The following RARB variants were observed in gnomAD, a reference collection of about 807,000 sequenced individuals.
RARB encodes the protein retinoic acid receptor beta.
In RARB, 17 loss-of-function variants were observed where a neutral mutation model predicts 51.9. The observed-to-expected ratio is 0.33, with a 90% CI of 0.22 to 0.49. RARB has a LOEUF of 0.49. Ranked by LOEUF, RARB falls within the 20% of genes least tolerant of loss-of-function variation. The probability of loss-of-function intolerance (pLI) is 0.99; values close to 1 mark genes in which losing one functional copy is unlikely to be tolerated. For synonymous variants in RARB, 215 were observed against 195.4 expected, an observed-to-expected ratio of 1.10 and a Z score of -0.84; for missense variants, 369 against 550.8, an observed-to-expected ratio of 0.67 and a Z score of 3.30.
intron 2 of RARB, among the ~76,000 whole-genome samples, chr3:25,056,101 T>G (rs1263283037): frequency 6.6e-6 from 1 of 152,148 alleles, no homozygotes. Context: ...AAGCCCAATG[T>G]GCAGGGAGAG....
chr3:25,073,942 T>A (rs1393171807), intron 3 of RARB, among the ~76,000 whole-genome samples: 1 of 152,186 alleles, frequency 6.6e-6, no homozygotes, highest in Admixed American at 6.5e-5. Flanking sequence ...AGTTGGTAAA[T>A]CACGCTTTTA....
intron 2 of RARB, among the ~76,000 whole-genome samples, chr3:24,929,761 C>G (rs1251260115): frequency 6.6e-6 from 1 of 152,104 alleles, no homozygotes; most frequent in Non-Finnish European, 1.5e-5. Flanking sequence ...AGATTCCCAG[C>G]TGTTGTCAAT....
chr3:25,059,972 T>A (rs1698516174), intron 2 of RARB, among the ~76,000 whole-genome samples: 1 of 151,750 alleles, frequency 6.6e-6, no homozygotes, highest in Admixed American at 6.6e-5. Context: ...ATAGAAAATC[T>A]TAAGTTGTGG....
intron 1 of RARB, among the ~76,000 whole-genome samples, chr3:24,831,362 T>C (rs1490931704): frequency 6.6e-6 from 1 of 152,202 alleles, no homozygotes; most frequent in Non-Finnish European, 1.5e-5. Flanking sequence ...ACGATTGTAA[T>C]TTAACGTTAA....
chr3:25,578,840 G>C (rs1175246592), intron 4 of RARB, among the ~76,000 whole-genome samples: 1 of 152,212 alleles, frequency 6.6e-6, no homozygotes, highest in African/African-American at 2.4e-5. Context: ...ACTTCCTGTA[G>C]ACTGATTTTA....
chr3:25,578,349 A>G (rs1410776658), intron 4 of RARB, among the ~76,000 whole-genome samples: 3 of 152,246 alleles, frequency 2.0e-5, no homozygotes, highest in Admixed American at 6.5e-5. Flanking sequence ...CATGCCGTTA[A>G]GACGGCTGTG....
chr3:25,414,121 A>C (rs1040560890), intron 5 of RARB, among the ~76,000 whole-genome samples: 4 of 152,190 alleles, frequency 2.6e-5, no homozygotes, highest in Middle Eastern at 3.4e-3. Flanking sequence ...TTGCTGCCAC[A>C]TATATTAGAT....
chr3:25,257,703 A>G (rs1029448921), intron 5 of RARB, among the ~76,000 whole-genome samples: 1 of 151,930 alleles, frequency 6.6e-6, no homozygotes, highest in African/African-American at 2.4e-5. Flanking sequence ...TCTGCTCTCT[A>G]TTTACAGAGT....
At chr3:25,165,159 G>C (rs939198048) in intron 4 of RARB, among the ~76,000 whole-genome samples, 4 of 152,152 alleles carry the variant, frequency 2.6e-5, no homozygotes, top group Non-Finnish European at 2.9e-5. Flanking sequence ...GCCTCACAAT[G>C]TCTAGAATGC....
intron 2 of RARB, among the ~76,000 whole-genome samples, chr3:24,952,325 T>C (rs763786168): frequency 2.0e-5 from 3 of 152,180 alleles, no homozygotes; most frequent in East Asian, 1.9e-4. Flanking sequence ...TTTATATTAA[T>C]TGAAGGAATT....
chr3:24,848,890 A>G (rs1393294754), intron 1 of RARB, among the ~76,000 whole-genome samples: 1 of 152,200 alleles, frequency 6.6e-6, no homozygotes, highest in Non-Finnish European at 1.5e-5. Context: ...CACCCAAAGA[A>G]GAAATAATTT....
intron 5 of RARB, among the ~76,000 whole-genome samples, chr3:25,210,529 C>CTGTTTGTTTTTTTTTTTTTTTTTTT (rs1701666722): frequency 3.6e-5 from 1 of 27,618 alleles, no homozygotes; most frequent in Non-Finnish European, 8.7e-5. Flanking sequence ...TTATCTGATT[C>CTGTTTGTTTTTTTTTTTTTTTTTTT]TTTTTTTTTT....
intron 5 of RARB, among the ~76,000 whole-genome samples, chr3:25,321,798 A>G (rs1009534558): frequency 2.6e-5 from 4 of 152,020 alleles, no homozygotes; most frequent in African/African-American, 9.7e-5. Context: ...TTTGGTAGAA[A>G]GCTCAGTGTT....
At chr3:25,238,150 G>GC (rs1259539366) in intron 5 of RARB, among the ~76,000 whole-genome samples, 5 of 151,668 alleles carry the variant, frequency 3.3e-5, no homozygotes, top group Non-Finnish European at 2.9e-5. Flanking sequence ...ATCCTCCAGC[G>GC]CCCCCCCACA....
At position 25,596,552 on chromosome 3, in the gene RARB, G is replaced by C; in HGVS notation, c.1283G>C (p.Ser428Thr). Residue 428 changes from serine (S) to threonine (T), a missense_variant, in exon 8 of 8, where the codon AGT becomes ACT. Ser to Thr is a moderately conservative substitution (Grantham distance 58, BLOSUM62 1). Around this residue, in one of 9 missense-constraint regions of RARB, gnomAD observed 54 missense variants for 43.4 expected, o/e 1.24. Coordinates refer to ENST00000330688, the MANE Select transcript of RARB (RefSeq NM_000965.5). ...TCAAGTGGGAACACAGCAGAGCACA[G>C]TCCTAGCATCTCACCCAGCTCAGTG... ...PSSSGNTAEH[S>T]PSISPSSVEN... 6.2e-7 allele frequency: 1 copy of C among 1,613,908 alleles called. No homozygotes were observed. Among genetic ancestry groups the C allele is most frequent in the Admixed American group, 1.7e-5 (1 of 60,020 alleles).
intron 2 of RARB, among the ~76,000 whole-genome samples, chr3:25,010,978 C>T (rs573302208): frequency 1.3e-5 from 2 of 152,250 alleles, no homozygotes; most frequent in Admixed American, 1.3e-4. Context: ...CCCTGCAATG[C>T]TCAGCATGCA....
intron 3 of RARB, among the ~76,000 whole-genome samples, chr3:25,110,123 C>T (rs1367454511): frequency 6.6e-6 from 1 of 152,114 alleles, no homozygotes; most frequent in Non-Finnish European, 1.5e-5. Context: ...ACGTTCATAC[C>T]AGGAGTGGTA....
At chr3:25,175,913 C>G (rs1401178278) in intron 5 of RARB, among the ~76,000 whole-genome samples, 1 of 152,186 alleles carries the variant, frequency 6.6e-6, no homozygotes, top group East Asian at 1.9e-4. Flanking sequence ...AGTACCAGTA[C>G]TCAAAATATC....
intron 2 of RARB, among the ~76,000 whole-genome samples, chr3:25,482,248 A>G (rs1290253072): frequency 6.6e-6 from 1 of 152,216 alleles, no homozygotes; most frequent in African/African-American, 2.4e-5. Context: ...TGTCGCAATA[A>G]AAATATGACT....
Sources: gnomAD v4.1 joint callset for allele counts (sites outside exome capture counted in the v4.1 genomes callset) on GRCh38, gnomAD v4.1.1 for gene constraint, gnomAD v4.1.1 regional missense constraint, MANE v1.5 for transcripts, NCBI Gene and HGNC (gene_info 2026-07-23, HGNC 2026-07-21) for gene names.